The following SLC25A12 variants were observed in gnomAD, a reference collection of about 807,000 sequenced individuals.
SLC25A12 encodes solute carrier family 25 member 12.
A neutral mutation model predicts 83.3 loss-of-function variants in SLC25A12; 32 were observed. The observed-to-expected ratio is 0.38, with a 90% CI of 0.29 to 0.52. The LOEUF (loss-of-function observed/expected upper bound fraction) is 0.52, where lower values mean the gene tolerates loss of function less well. Among genes scored for constraint, SLC25A12 ranks in the 20% least tolerant of loss-of-function variants. The pLI is 0.84. For synonymous variants in SLC25A12, 267 were observed against 291.1 expected (o/e 0.92, Z 0.84); for missense variants, 611 against 835.6 (o/e 0.73, Z 3.31).
At chr2:171,799,110 G>C (rs1439093002) in intron 13 of SLC25A12, among the ~76,000 whole-genome samples, 1 of 152,154 alleles carries the variant, frequency 6.6e-6, no homozygotes, top group Non-Finnish European at 1.5e-5. Flanking sequence ...TGGAAGCAGA[G>C]AGCAAGCCCT....
rs997229148 is a variant in SLC25A12, at chr2:171,812,988, G to A, written c.1171+351C>T. Among the ~76,000 whole-genome samples, 23 of 152,130 alleles carry A rather than the reference G, an allele frequency of 1.5e-4. 1 individual carries two copies. Among genetic ancestry groups the A allele is most frequent in the African/African-American group, 5.5e-4 (23 of 41,498 alleles). On this transcript the variant is annotated intron_variant, in intron 11 of 17. Coordinates refer to ENST00000422440, the MANE Select transcript of SLC25A12 (RefSeq NM_003705.5). ...ATGTATTTCTCCTCTTTAATTCTTT[G>A]AGAAAAGCAGCTCTATATTTCTTAA... is the stretch of plus-strand genomic sequence containing the variant.
intron 9 of SLC25A12, among the ~76,000 whole-genome samples, chr2:171,819,648 T>C (rs1684143477): frequency 6.6e-6 from 1 of 151,178 alleles, no homozygotes; most frequent in African/African-American, 2.4e-5. Context: ...GACTAATAAA[T>C]AAACCTAACT....
At chr2:171,835,862 C>A (rs1684544527) in intron 6 of SLC25A12, among the ~76,000 whole-genome samples, 1 of 151,140 alleles carries the variant, frequency 6.6e-6, no homozygotes, top group Admixed American at 6.6e-5. Context: ...TGGATACCAG[C>A]AACCCAAAAA....
At position 171,873,714 on chromosome 2, in the gene SLC25A12, C is replaced by T. The variant is rs182280828; in HGVS notation, c.67-4891G>A. On this transcript the variant is annotated intron_variant, in intron 2 of 17. Transcript: ENST00000422440. ...ATGTATCCTTCTAGAGATGTTTTAT[C>T]CATAAACAAGTAAATTATATATATA... Among the ~76,000 whole-genome samples, 53 of 151,934 alleles carry T rather than the reference C, an allele frequency of 3.5e-4. 1 individual carries two copies. The East Asian group carries it at 0.01, about 29-fold the overall frequency.
intron 13 of SLC25A12, among the ~76,000 whole-genome samples, chr2:171,809,174 T>G (rs1430897802): frequency 6.6e-6 from 1 of 152,230 alleles, no homozygotes; most frequent in African/African-American, 2.4e-5. Context: ...TATGTGTGCA[T>G]GTGTCTTTAT....
intron 17 of SLC25A12, among the ~76,000 whole-genome samples, chr2:171,785,678 C>T (rs1558904294): frequency 6.6e-6 from 1 of 152,184 alleles, no homozygotes; most frequent in African/African-American, 2.4e-5. Flanking sequence ...ATTTGATTTA[C>T]AAGAGAAATG....
intron 9 of SLC25A12, among the ~76,000 whole-genome samples, chr2:171,816,098 C>T (rs1259757307): frequency 7.4e-6 from 1 of 135,358 alleles, no homozygotes; most frequent in Non-Finnish European, 1.5e-5. Context: ...CAGGGTTTCA[C>T]TCTGATGCCT....
At chr2:171,891,912 A>C (rs1350110168) in intron 2 of SLC25A12, among the ~76,000 whole-genome samples, 1 of 152,220 alleles carries the variant, frequency 6.6e-6, no homozygotes, top group African/African-American at 2.4e-5. Context: ...TAAACTACAC[A>C]TATGTATGCT....
chr2:171,868,250 A>G (rs554712420), intron 3 of SLC25A12, among the ~76,000 whole-genome samples: 1 of 151,754 alleles, frequency 6.6e-6, no homozygotes, highest in East Asian at 1.9e-4. Flanking sequence ...GGTAATTACT[A>G]ATTACATGTT....
intron 2 of SLC25A12, among the ~76,000 whole-genome samples, chr2:171,872,293 GTATA>G (rs1244997355): frequency 6.6e-6 from 1 of 152,046 alleles, no homozygotes; most frequent in African/African-American, 2.4e-5. Flanking sequence ...AAAACAATAA[GTATA>G]TAAACATAGG....
At chr2:171,839,129 G>T (rs1219479151) in intron 5 of SLC25A12, among the ~76,000 whole-genome samples, 1 of 152,144 alleles carries the variant, frequency 6.6e-6, no homozygotes, top group East Asian at 1.9e-4. Flanking sequence ...GTAATCTTTG[G>T]AAGAATCTTA....
At chr2:171,807,729 T>C (rs1558913702) in intron 13 of SLC25A12, among the ~76,000 whole-genome samples, 1 of 152,218 alleles carries the variant, frequency 6.6e-6, no homozygotes, top group East Asian at 1.9e-4. Context: ...AGAAACTTCA[T>C]TTTTGGTGAT....
chr2:171,810,131 A>G (rs2105859248), intron 12 of SLC25A12, 93 bp downstream of exon 12: 1 of 1,039,910 alleles, frequency 9.6e-7, no homozygotes, highest in East Asian at 2.4e-5. Flanking sequence ...CTGAGATTAT[A>G]GGCATGAGCT....
chr2:171,856,641 T>C (rs1192898163), intron 3 of SLC25A12: 2 of 152,256 alleles, frequency 1.3e-5, no homozygotes, highest in Non-Finnish European at 2.9e-5. Context: ...ATCATTCCAA[T>C]TTTATTATAT....
At chr2:171,788,414 C>T (rs1204364423) in intron 15 of SLC25A12, 2 of 191,636 alleles carry the variant, frequency 1.0e-5, no homozygotes. Flanking sequence ...AAGTGAATAT[C>T]AATACTTATA....
intron 4 of SLC25A12, among the ~76,000 whole-genome samples, chr2:171,846,784 T>A (rs1000944392): frequency 2.0e-5 from 3 of 152,154 alleles, no homozygotes; most frequent in African/African-American, 7.2e-5. Flanking sequence ...CCAGCCTGGG[T>A]GACAGAGCAA....
intron 2 of SLC25A12, among the ~76,000 whole-genome samples, chr2:171,872,932 T>C (rs1196073594): frequency 6.6e-6 from 1 of 151,966 alleles, no homozygotes; most frequent in Non-Finnish European, 1.5e-5. Context: ...CGTATACTAA[T>C]ACATGTAGTA....
intron 9 of SLC25A12, among the ~76,000 whole-genome samples, chr2:171,824,029 A>G (rs1684248539): frequency 6.6e-6 from 1 of 152,116 alleles, no homozygotes; most frequent in Non-Finnish European, 1.5e-5. Context: ...CCAGCTCTCC[A>G]GAAATTCTAG....
intron 3 of SLC25A12, among the ~76,000 whole-genome samples, chr2:171,867,100 C>T (rs1348321274): frequency 6.6e-6 from 1 of 151,822 alleles, no homozygotes; most frequent in East Asian, 2.0e-4. Flanking sequence ...ACGCTCCTCA[C>T]TTCCTAGATG....
Sources: allele counts gnomAD v4.1 joint callset (sites outside exome capture counted in the v4.1 genomes callset), GRCh38; gene constraint gnomAD v4.1.1; transcripts MANE v1.5; gene names NCBI Gene and HGNC (gene_info 2026-07-23, HGNC 2026-07-21).